Variants in TRHDE observed in about 807,000 individuals in gnomAD.
TRHDE encodes the protein thyrotropin-releasing hormone-degrading ectoenzyme.
A neutral mutation model predicts 125.7 loss-of-function variants in TRHDE; 72 were observed. That is an observed-to-expected ratio of 0.57 (90% CI 0.47 to 0.70). The LOEUF (loss-of-function observed/expected upper bound fraction) is 0.70. Among genes scored for constraint, TRHDE ranks in the 30% least tolerant of loss-of-function variants. The probability of loss-of-function intolerance (pLI) is 0.00; values close to 1 mark genes in which losing one functional copy is unlikely to be tolerated. For missense variants in TRHDE, 1,110 were observed against 1,327.1 expected, an observed-to-expected ratio of 0.84 and a Z score of 2.54; for synonymous variants, 509 against 509.1, an observed-to-expected ratio of 1.00 and a Z score of 0.00.
chr12:72,160,358 A>T (rs1267962263), intron 2 of TRHDE, among the ~76,000 whole-genome samples: 5 of 152,174 alleles, frequency 3.3e-5, no homozygotes, highest in Non-Finnish European at 7.3e-5. Context: ...TTGAATCAGA[A>T]TCTCTGGGAT....
chr12:72,207,522 G>T (rs1877694006), intron 2 of TRHDE, among the ~76,000 whole-genome samples: 1 of 152,100 alleles, frequency 6.6e-6, no homozygotes, highest in African/African-American at 2.4e-5. Context: ...TTAGTATATG[G>T]CTAGAATTAA....
At chr12:72,139,853 A>G (rs1876072546) in intron 2 of TRHDE, among the ~76,000 whole-genome samples, 1 of 152,178 alleles carries the variant, frequency 6.6e-6, no homozygotes, top group African/African-American at 2.4e-5. Flanking sequence ...GATGGGAATG[A>G]GTGGTTGGAT....
rs541770442 is a variant in TRHDE at position 72,669,021 on chromosome 12, G to A, written c.*5826G>A. ...ATTTCTTAACAAAGTTGCTTTATAC[G>A]TTCCATAAAAAGTTTTCATGAAAAC... On this transcript the variant is annotated 3_prime_UTR_variant, in exon 19 of 19. Coordinates refer to ENST00000261180, the MANE Select transcript of TRHDE (RefSeq NM_013381.3). 6 of 151,628 alleles carry A rather than the reference G, an allele frequency of 4.0e-5. No homozygotes were observed. In the East Asian group the frequency reaches 5.8e-4, roughly 15 times the overall value. 9.4% of individuals were successfully genotyped at this position (151,628 alleles called of 1,614,324 possible). A position where few individuals can be genotyped will look rare whatever the true frequency, so the allele number is the denominator to read the frequency against.
At chr12:72,560,280 G>C (rs1235532202) in intron 7 of TRHDE, among the ~76,000 whole-genome samples, 1 of 152,182 alleles carries the variant, frequency 6.6e-6, no homozygotes, top group Non-Finnish European at 1.5e-5. Context: ...CAGCCTGCTT[G>C]AAGTGGAAAC....
At position 72,193,991 on chromosome 12, in the gene TRHDE, T is replaced by A. The variant is rs1228048088; in HGVS notation, n.279+88239T>A. 2.0e-5 allele frequency among the ~76,000 whole-genome samples: 3 copies of A among 152,106 alleles called. No homozygotes were observed. In the East Asian group the frequency reaches 5.8e-4, roughly 29 times the overall value. On this transcript the variant is annotated intron_variant and non_coding_transcript_variant, in intron 2 of 4. Coordinates refer to the TRHDE transcript ENST00000548156. The stretch of plus-strand genomic sequence containing the variant: ...GGAAGTATGAGGGAGATAAGAGTAA[T>A]TAAAAATATTGTCATCTATTATTTG...
At chr12:72,294,136 A>G (rs1880197733) in intron 2 of TRHDE, among the ~76,000 whole-genome samples, 1 of 152,206 alleles carries the variant, frequency 6.6e-6, no homozygotes, top group African/African-American at 2.4e-5. Context: ...CTGGGCTCCC[A>G]GAAGGACTGC....
At chr12:72,098,192 T>G (rs1207178465) in intron 1 of TRHDE, among the ~76,000 whole-genome samples, 2 of 152,130 alleles carry the variant, frequency 1.3e-5, no homozygotes, top group East Asian at 3.9e-4. Context: ...CTACATTACT[T>G]TTTATGATGA....
chr12:72,500,963 G>C (rs1480000241), intron 6 of TRHDE, among the ~76,000 whole-genome samples: 1 of 142,798 alleles, frequency 7.0e-6, no homozygotes, highest in Non-Finnish European at 1.5e-5. Flanking sequence ...TGTGCATTAT[G>C]TTTATAAAAC....
chr12:72,358,293 CT>C (rs1321304593), intron 2 of TRHDE, among the ~76,000 whole-genome samples: 1 of 151,554 alleles, frequency 6.6e-6, no homozygotes, highest in Non-Finnish European at 1.5e-5. Context: ...GCAACCCCTC[CT>C]CTTTCTTCTC....
intron 12 of TRHDE, among the ~76,000 whole-genome samples, chr12:72,581,745 A>G (rs116253831): frequency 6.6e-6 from 1 of 152,094 alleles, no homozygotes; most frequent in Non-Finnish European, 1.5e-5. Flanking sequence ...TTTTTTGTAA[A>G]TTATTAGTGT....
intron 5 of TRHDE, among the ~76,000 whole-genome samples, chr12:72,484,886 G>A (rs1877331367): frequency 6.6e-6 from 1 of 152,030 alleles, no homozygotes; most frequent in Non-Finnish European, 1.5e-5. Flanking sequence ...AACTAAAAGA[G>A]AGCTCCATAG....
rs185260476 is a variant in TRHDE at position 72,394,004 on chromosome 12, A to C, written c.1315+15883A>C. Among the ~76,000 whole-genome samples, 26 of 152,292 alleles carry C rather than the reference A, an allele frequency of 1.7e-4. No individual in the cohort carries two copies. The East Asian group carries it at 4.4e-3, about 26-fold the overall frequency. ...AGAGCTAGTAACTGTAAACGTGTAC[A>C]CCTGGCTCATACAAACATAGGTATA... On this transcript the variant is annotated intron_variant, in intron 3 of 18. Coordinates refer to ENST00000261180, the MANE Select transcript of TRHDE (RefSeq NM_013381.3).
At chr12:72,294,457 T>C (rs914559127) in intron 2 of TRHDE, among the ~76,000 whole-genome samples, 4 of 152,172 alleles carry the variant, frequency 2.6e-5, no homozygotes, top group Admixed American at 6.5e-5. Flanking sequence ...GTAGCTTCTC[T>C]CTGCAGCTGG....
intron 6 of TRHDE, among the ~76,000 whole-genome samples, 191 bp downstream of exon 6, chr12:72,499,826 T>C (rs1444612609): frequency 3.9e-5 from 6 of 152,156 alleles, no homozygotes; most frequent in Non-Finnish European, 8.8e-5. Flanking sequence ...AAAATGGAGA[T>C]TAATATTTGC....
At chr12:72,460,122 G>A (rs56270780) in intron 3 of TRHDE, among the ~76,000 whole-genome samples, 14,521 of 152,192 alleles carry the variant, frequency 0.095, 881 homozygotes, top group African/African-American at 0.16. Flanking sequence ...ATACAAAACC[G>A]TCCTTAAAAA....
intron 6 of TRHDE, among the ~76,000 whole-genome samples, chr12:72,534,499 G>A (rs923058921): frequency 2.6e-5 from 4 of 152,092 alleles, no homozygotes; most frequent in African/African-American, 7.2e-5. Context: ...CGGTCCCAGT[G>A]AAAGATATAT....
At chr12:72,624,965 C>T (rs1873200472) in intron 15 of TRHDE, among the ~76,000 whole-genome samples, 1 of 151,550 alleles carries the variant, frequency 6.6e-6, no homozygotes, top group South Asian at 2.1e-4. Flanking sequence ...AGATGATGGC[C>T]TTTTTCTATG....
intron 6 of TRHDE, among the ~76,000 whole-genome samples, chr12:72,539,046 T>C (rs1220371848): frequency 6.6e-6 from 1 of 151,974 alleles, no homozygotes; most frequent in Non-Finnish European, 1.5e-5. Context: ...ATAAAGTCTA[T>C]TCCTGTCATA....
intron 16 of TRHDE, 81 bp downstream of exon 16, chr12:72,652,570 A>T: frequency 9.5e-7 from 1 of 1,056,824 alleles, no homozygotes; most frequent in Middle Eastern, 2.5e-4. Context: ...GCTTTTATTT[A>T]CTTGAATATA....
Sources: allele counts gnomAD v4.1 joint callset (sites outside exome capture counted in the v4.1 genomes callset), GRCh38; gene constraint gnomAD v4.1.1; transcripts MANE v1.5; gene names NCBI Gene and HGNC (gene_info 2026-07-23, HGNC 2026-07-21).